Variants in ZFYVE28 observed in about 807,000 individuals in gnomAD.
The protein encoded by ZFYVE28 is zinc finger FYVE-type containing 28, also known as lateral signaling target protein 2 homolog.
A neutral mutation model predicts 82.1 loss-of-function variants in ZFYVE28; 40 were observed. That is an observed-to-expected ratio of 0.49 (90% CI 0.38 to 0.63). The LOEUF (loss-of-function observed/expected upper bound fraction) is 0.63, where lower values mean the gene tolerates loss of function less well. ZFYVE28 is among the 30% of genes least tolerant of loss of function. The probability of loss-of-function intolerance (pLI) is 0.00; values close to 1 mark genes in which losing one functional copy is unlikely to be tolerated. For synonymous variants in ZFYVE28, 612 were observed against 546.1 expected, an observed-to-expected ratio of 1.12 and a Z score of -1.68; for missense variants, 1,321 against 1,242.1, an observed-to-expected ratio of 1.06 and a Z score of -0.96.
intron 7 of ZFYVE28, among the ~76,000 whole-genome samples, chr4:2,312,028 G>C (rs1279268649): frequency 2.0e-5 from 3 of 152,128 alleles, no homozygotes; most frequent in African/African-American, 7.2e-5. Context: ...CAGATAATTG[G>C]AATCAATACA....
chr4:2,408,531 G>A lies in ZFYVE28; in HGVS notation c.39+9754C>T, dbSNP rs114286748. Among the ~76,000 whole-genome samples, 996 of 152,324 alleles carry A rather than the reference G, an allele frequency of 6.5e-3. 13 individuals carry two copies. The highest frequency in any genetic ancestry group is 0.023 in the African/African-American group (946 of 41,560). ...CACCAGCCGGGGTGGACCAAAGGCC[G>A]CAGATGGTTCAGCTGGCTGACCCTT... On this transcript the variant is annotated intron_variant, in intron 1 of 12. Coordinates refer to ENST00000290974, the MANE Select transcript of ZFYVE28 (RefSeq NM_020972.3). The surrounding 1 kb of genome is among the most constrained non-coding windows in gnomAD (Gnocchi z 4.3).
chr4:2,308,113 TTTC>T lies in ZFYVE28; in HGVS notation c.804-2580_804-2578del, dbSNP rs554713358. Among the ~76,000 whole-genome samples the T allele has an allele frequency of 2.4e-3, 367 of 152,040 alleles. 3 individuals carry two copies. The highest frequency in any genetic ancestry group is 6.8e-3 in the Middle Eastern group (2 of 292). On this transcript the variant is annotated intron_variant, in intron 7 of 12. Transcript: ENST00000290974. ...CTTTACAATAGAAGATGTCTCCAATTTTCTTCTTCTTCTTCTTCTTCTAAGAAA... is the reference window on the plus strand; with the variant it reads ...CTTTACAATAGAAGATGTCTCCAATTTTCTTCTTCTTCTTCTTCTAAGAAA...
In ZFYVE28 at chr4:2,304,488, C is replaced by T. The variant is rs1211966831; in HGVS notation, c.1852G>A (p.Glu618Lys). ...ERQEEAPPPS[E>K]DASNGREPKA... ...GGCTCCCGCCCGTTGGAGGCATCTT[C>T]TGAGGGTGGGGGCGCCTCCTCCTGT... The change falls in exon 8 of 13, where the codon GAA becomes AAA. Residue 618 changes from glutamate (E) to lysine (K), a missense_variant. Transcript: ENST00000290974. The T allele has an allele frequency of 1.9e-6, 3 of 1,613,002 alleles. No individual in the cohort carries two copies. Among genetic ancestry groups the T allele is most frequent in the Middle Eastern group, 1.6e-4 (1 of 6,080 alleles).
At chr4:2,400,088 GCACAGAACCCTGACCCTC>G (rs1217604664) in intron 1 of ZFYVE28, among the ~76,000 whole-genome samples, 5 of 152,222 alleles carry the variant, frequency 3.3e-5, no homozygotes, top group Non-Finnish European at 4.4e-5. Context: ...CTCAGGGCGG[GCACAGAACCCTGACCCTC>G]CACAGAGCTC....
At chr4:2,355,268 AT>A (rs1725133928) in intron 1 of ZFYVE28, among the ~76,000 whole-genome samples, 2 of 17,112 alleles carry the variant, frequency 1.2e-4, no homozygotes, top group Non-Finnish European at 2.1e-4. Context: ...ATATATATAT[AT>A]ATAATGATTC....
chr4:2,313,397 A>C (rs1322556963), intron 7 of ZFYVE28, among the ~76,000 whole-genome samples: 1 of 152,026 alleles, frequency 6.6e-6, no homozygotes, highest in Non-Finnish European at 1.5e-5. Context: ...AGTAGCTGGG[A>C]CCACAGATAT....
chr4:2,329,984 G>A (rs932528224), intron 6 of ZFYVE28, among the ~76,000 whole-genome samples: 2 of 152,188 alleles, frequency 1.3e-5, no homozygotes, highest in African/African-American at 4.8e-5. Flanking sequence ...GGATGCATCC[G>A]TGAATAAGAG....
In ZFYVE28 at chr4:2,296,358, G is replaced by A. The variant is rs552039613; in HGVS notation, c.2051+7931C>T. Among the ~76,000 whole-genome samples, 3 of 152,316 alleles carry A rather than the reference G, an allele frequency of 2.0e-5. No homozygotes were observed. In the East Asian group the frequency reaches 5.8e-4, roughly 29 times the overall value. On this transcript the variant is annotated intron_variant, in intron 8 of 12. Coordinates refer to ENST00000290974, the MANE Select transcript of ZFYVE28 (RefSeq NM_020972.3). ...CCAGCGAGAGCAAGAACCCAGCCCT[G>A]CCCTCTCACCTGGGCCTGTGCACGG... is the stretch of plus-strand genomic sequence containing the variant.
At position 2,335,630 on chromosome 4, in the gene ZFYVE28, G is replaced by A. The variant is rs1441685713; in HGVS notation, c.701+75C>T. On this transcript the variant is annotated intron_variant, in intron 6 of 12. Coordinates refer to ENST00000290974, the MANE Select transcript of ZFYVE28 (RefSeq NM_020972.3). The surrounding 1 kb of genome is among the most constrained non-coding windows in gnomAD (Gnocchi z 5.8). ...GTGGAGACGCCATGGACCGGCACCCGCACGGGACCTGGCACCATCAGCCCT... is the reference window on the plus strand; with the variant it reads ...GTGGAGACGCCATGGACCGGCACCCACACGGGACCTGGCACCATCAGCCCT... 4.0e-5 allele frequency: 56 copies of A among 1,408,960 alleles called. No homozygotes were observed. Among genetic ancestry groups the A allele is most frequent in the Middle Eastern group, 1.8e-4 (1 of 5,508 alleles). The allele number at this position is 1,408,960 out of a possible 1,614,324, so 87.3% of individuals were successfully genotyped here. A position where few individuals can be genotyped will look rare whatever the true frequency, so the allele number is the denominator to read the frequency against.
chr4:2,334,840 TCTTCCCCCTCCCCA>T (rs1721389382), intron 6 of ZFYVE28, among the ~76,000 whole-genome samples: 3 of 11,992 alleles, frequency 2.5e-4, no homozygotes, highest in African/African-American at 1.5e-3. Context: ...CCCCCTCCCC[TCTTCCCCCTCCCCA>T]CTTCCGCCTC....
chr4:2,402,841 A>G (rs1209530349), intron 1 of ZFYVE28, among the ~76,000 whole-genome samples: 1 of 152,066 alleles, frequency 6.6e-6, no homozygotes, highest in Non-Finnish European at 1.5e-5. Flanking sequence ...CCAGGGCAGC[A>G]CTGACCCATC....
rs1197567190 is a variant in ZFYVE28, at chr4:2,335,276, A to G, written c.701+429T>C. ...GCCCCCAAATTATTCAAACAAGCCA[A>G]TCACAGCCTCCTGAGGGACCCGGGG... On this transcript the variant is annotated intron_variant, in intron 6 of 12. Transcript: ENST00000290974. The surrounding 1 kb of genome is among the most constrained non-coding windows in gnomAD (Gnocchi z 5.8). Among the ~76,000 whole-genome samples, 1 of 151,938 alleles carries G rather than the reference A, an allele frequency of 6.6e-6. No individual in the cohort carries two copies. Among genetic ancestry groups the G allele is most frequent in the African/African-American group, 2.4e-5 (1 of 41,352 alleles).
rs1427897869 is a variant in ZFYVE28 at position 2,416,485 on chromosome 4, G to C, written c.39+1800C>G. 6.6e-6 allele frequency among the ~76,000 whole-genome samples: 1 copy of C among 152,166 alleles called. No homozygotes were observed. Among genetic ancestry groups the C allele is most frequent in the East Asian group, 1.9e-4 (1 of 5,196 alleles). The stretch of plus-strand genomic sequence containing the variant: ...ATTTGTCACAGAAAATAATGCTGCT[G>C]CACGCCCCCAAAACGCCGTTTTACA... On this transcript the variant is annotated intron_variant, in intron 1 of 12. Coordinates refer to ENST00000290974, the MANE Select transcript of ZFYVE28 (RefSeq NM_020972.3). The surrounding 1 kb of genome is among the most constrained non-coding windows in gnomAD (Gnocchi z 4.6).
At chr4:2,397,087 CT>C (rs1160282913) in intron 1 of ZFYVE28, among the ~76,000 whole-genome samples, 1 of 152,194 alleles carries the variant, frequency 6.6e-6, no homozygotes, top group Non-Finnish European at 1.5e-5. Context: ...AAACATTTTT[CT>C]ATTATTTGTT....
rs1560269892 is a variant in ZFYVE28, at chr4:2,355,244, AT to A, written c.40-1172del. Among the ~76,000 whole-genome samples, 78 of 22,680 alleles carry A rather than the reference AT, an allele frequency of 3.4e-3. 13 individuals carry two copies. The highest frequency in any genetic ancestry group is 0.015 in the African/African-American group (65 of 4,428). The allele number at this position is 22,680 out of a possible 152,430, so 14.9% of individuals were successfully genotyped here. A position where few individuals can be genotyped will look rare whatever the true frequency, so the allele number is the denominator to read the frequency against. ...TATATATATATATATATATATATATATATATATATATATATATATATATATA... is the reference window on the plus strand; with the variant it reads ...TATATATATATATATATATATATATAATATATATATATATATATATATATA... On this transcript the variant is annotated intron_variant, in intron 1 of 12. Coordinates refer to ENST00000290974, the MANE Select transcript of ZFYVE28 (RefSeq NM_020972.3).
At chr4:2,348,127 G>A (rs1325123473) in intron 2 of ZFYVE28, among the ~76,000 whole-genome samples, 1 of 152,108 alleles carries the variant, frequency 6.6e-6, no homozygotes, top group East Asian at 1.9e-4. Context: ...CGAGAGAGGT[G>A]ACATCGCGGT....
chr4:2,401,956 T>C (rs1731231914), intron 1 of ZFYVE28, among the ~76,000 whole-genome samples: 1 of 152,194 alleles, frequency 6.6e-6, no homozygotes, highest in Non-Finnish European at 1.5e-5. Context: ...TGCGTGGTGG[T>C]GGCCAGCCTG....
chr4:2,355,291 T>G (rs1725148879), intron 1 of ZFYVE28, among the ~76,000 whole-genome samples: 2 of 107,444 alleles, frequency 1.9e-5, no homozygotes, highest in African/African-American at 6.7e-5. Context: ...TCTTTTTTTT[T>G]TTTTTTTTGA....
chr4:2,293,631 T>G lies in ZFYVE28; in HGVS notation c.2051+10658A>C, dbSNP rs1023360094. Among the ~76,000 whole-genome samples, 13 of 151,676 alleles carry G rather than the reference T, an allele frequency of 8.6e-5. No homozygotes were observed. The East Asian group carries it at 2.5e-3, about 29-fold the overall frequency. On this transcript the variant is annotated intron_variant, in intron 8 of 12. Coordinates refer to ENST00000290974, the MANE Select transcript of ZFYVE28 (RefSeq NM_020972.3). Reference sequence around the variant, plus strand: ...AGCTGGGCGTAGTGGCAGGCACCTGTAGTCCCAGCTACTCGGGAGGCTGAG... The same window carrying G: ...AGCTGGGCGTAGTGGCAGGCACCTGGAGTCCCAGCTACTCGGGAGGCTGAG...
Sources: allele counts gnomAD v4.1 joint callset (sites outside exome capture counted in the v4.1 genomes callset), GRCh38; gene constraint gnomAD v4.1.1; non-coding constraint Gnocchi (gnomAD v3.1); transcripts MANE v1.5; gene names NCBI Gene and HGNC (gene_info 2026-07-23, HGNC 2026-07-21).